The following ZFHX3 variants were observed in gnomAD, a reference collection of about 807,000 sequenced individuals.
ZFHX3 encodes the protein zinc finger homeobox protein 3.
In ZFHX3, 42 loss-of-function variants were observed where a neutral mutation model predicts 279.1. That is an observed-to-expected ratio of 0.15 (90% CI 0.12 to 0.19). The LOEUF (loss-of-function observed/expected upper bound fraction) is 0.19, where lower values mean the gene tolerates loss of function less well. ZFHX3 is among the 10% of genes least tolerant of loss of function. ZFHX3 has a pLI of 1.00. For missense variants in ZFHX3, 4,981 were observed against 4,754.0 expected (o/e 1.05, Z -1.40); for synonymous variants, 2,293 against 1,957.8 (o/e 1.17, Z -4.52).
intron 2 of ZFHX3, among the ~76,000 whole-genome samples, chr16:73,639,500 T>C (rs946981301): frequency 5.9e-5 from 9 of 152,208 alleles, no homozygotes; most frequent in Admixed American, 2.6e-4. Flanking sequence ...GTTTTAATCA[T>C]ACTTTTTCAT....
chr16:73,593,687 C>T (rs1463280513), intron 2 of ZFHX3, among the ~76,000 whole-genome samples: 1 of 152,028 alleles, frequency 6.6e-6, no homozygotes, highest in Non-Finnish European at 1.5e-5. Flanking sequence ...AGACTGTGAG[C>T]ATCTGCAGAT....
At chr16:73,682,852 GAGAA>G (rs568576216) in intron 1 of ZFHX3, among the ~76,000 whole-genome samples, 2,280 of 79,944 alleles carry the variant, frequency 0.029, 111 homozygotes, top group Non-Finnish European at 0.038. Flanking sequence ...AAAAAAGAAA[GAGAA>G]AGAAAGAAAG....
intron 6 of ZFHX3, among the ~76,000 whole-genome samples, chr16:73,131,733 C>T (rs112660544): frequency 6.1e-4 from 93 of 152,256 alleles, no homozygotes; most frequent in African/African-American, 2.1e-3. Context: ...CAGGGAGTTA[C>T]GAAAAGCCAC....
chr16:73,762,102 C>T lies in ZFHX3; in HGVS notation c.-1607-81862G>A, dbSNP rs189229341. ...TATCCATCTGACAAAGGTCTAATAT[C>T]CAGAATCTATAAAGAACTTAAACAA... On this transcript the variant is annotated intron_variant, in intron 1 of 17. Coordinates refer to the ZFHX3 transcript ENST00000641206. 2.6e-3 allele frequency among the ~76,000 whole-genome samples: 400 copies of T among 151,684 alleles called. 2 individuals carry two copies. Among genetic ancestry groups the T allele is most frequent in the African/African-American group, 9.2e-3 (379 of 41,378 alleles).
chr16:73,388,609 A>C (rs908533215), intron 3 of ZFHX3, among the ~76,000 whole-genome samples: 1 of 152,084 alleles, frequency 6.6e-6, no homozygotes, highest in Admixed American at 6.5e-5. Context: ...CAGGCAGGCA[A>C]GTTTCTGCCC....
At chr16:73,753,072 C>G (rs1290150995) in intron 1 of ZFHX3, among the ~76,000 whole-genome samples, 1 of 152,098 alleles carries the variant, frequency 6.6e-6, no homozygotes, top group African/African-American at 2.4e-5. Context: ...TTAAAATGAC[C>G]CCTAAGTGCA....
rs1289332063 is a variant in ZFHX3, at chr16:72,785,116, A to AGAT, written c.*2045_*2047dup. On this transcript the variant is annotated 3_prime_UTR_variant, in exon 10 of 10. Transcript: ENST00000268489. ...GATTTCACACTTTGGGGGCAAGGGG[A>AGAT]GATGGTTTCTGTTGATGTTTAGCTA... The AGAT allele has an allele frequency of 1.3e-5, 2 of 152,682 alleles. No homozygotes were observed. Among genetic ancestry groups the AGAT allele is most frequent in the Admixed American group, 6.5e-5 (1 of 15,302 alleles). The allele number at this position is 152,682 out of a possible 1,614,324, so 9.5% of individuals were successfully genotyped here.
chr16:72,927,178 T>C (rs939762456), intron 3 of ZFHX3, among the ~76,000 whole-genome samples: 1 of 152,266 alleles, frequency 6.6e-6, no homozygotes, highest in African/African-American at 2.4e-5. Context: ...CAGTTTCACT[T>C]GGTCAGACAT....
chr16:72,948,025 C>CA (rs1216705324), intron 3 of ZFHX3, among the ~76,000 whole-genome samples: 1 of 152,208 alleles, frequency 6.6e-6, no homozygotes, highest in African/African-American at 2.4e-5. Flanking sequence ...TCCTTAGTGG[C>CA]AAGAGAAGTT....
At chr16:73,747,835 T>C (rs1029266219) in intron 1 of ZFHX3, among the ~76,000 whole-genome samples, 2 of 152,196 alleles carry the variant, frequency 1.3e-5, no homozygotes, top group African/African-American at 4.8e-5. Flanking sequence ...TCAAGTGTTA[T>C]TAAATGATGT....
chr16:73,535,616 G>T (rs1361304774), intron 2 of ZFHX3, among the ~76,000 whole-genome samples: 8 of 152,140 alleles, frequency 5.3e-5, no homozygotes, highest in African/African-American at 1.7e-4. Context: ...AAGAGAAGCA[G>T]CAATAAGAGA....
At chr16:72,852,408 C>A (rs2037639537) in intron 4 of ZFHX3, among the ~76,000 whole-genome samples, 2 of 152,170 alleles carry the variant, frequency 1.3e-5, no homozygotes, top group South Asian at 2.1e-4. Context: ...CAGAGAGCCT[C>A]CCTTGAGAAA....
intron 3 of ZFHX3, among the ~76,000 whole-genome samples, chr16:73,444,646 A>G (rs1452554544): frequency 6.6e-6 from 1 of 152,342 alleles, no homozygotes; most frequent in East Asian, 1.9e-4. Flanking sequence ...AGGTGAGCAC[A>G]TTTATGTGAG....
At position 73,146,199 on chromosome 16, in the gene ZFHX3, A is replaced by G. The variant is rs2144840236; in HGVS notation, c.-1103-2368T>C. 1.3e-5 allele frequency among the ~76,000 whole-genome samples: 2 copies of G among 152,200 alleles called. 1 individual carries two copies. Among genetic ancestry groups the G allele is most frequent in the South Asian group, 4.2e-4 (2 of 4,812 alleles). On this transcript the variant is annotated intron_variant, in intron 5 of 17. Coordinates refer to the ZFHX3 transcript ENST00000641206. ...AATCCCAGCACTTTGGGAGGCTGAG[A>G]TGGGCGGATCACAAGGTCAAGAGAT...
intron 1 of ZFHX3, among the ~76,000 whole-genome samples, chr16:73,732,123 A>C (rs1056869843): frequency 6.6e-6 from 1 of 152,236 alleles, no homozygotes; most frequent in Non-Finnish European, 1.5e-5. Context: ...AAAAGAGTAC[A>C]GTTTTCTAGA....
intron 1 of ZFHX3, among the ~76,000 whole-genome samples, chr16:73,876,135 A>C (rs1446195459): frequency 6.6e-6 from 1 of 152,232 alleles, no homozygotes; most frequent in Non-Finnish European, 1.5e-5. Context: ...CAATCCCTGC[A>C]TGCGTGATCC....
At chr16:73,794,050 C>T (rs1424225616) in intron 1 of ZFHX3, 1 of 152,144 alleles carries the variant, frequency 6.6e-6, no homozygotes, top group Non-Finnish European at 1.5e-5. Context: ...AGCAACATCA[C>T]ATAAAAATTT....
chr16:73,796,087 A>G (rs2142320287), intron 1 of ZFHX3, among the ~76,000 whole-genome samples: 1 of 152,380 alleles, frequency 6.6e-6, no homozygotes, highest in South Asian at 2.1e-4. Context: ...AATGTGTTAT[A>G]TAATGTCATG....
At chr16:73,847,184 G>A (rs1479538323) in intron 1 of ZFHX3, among the ~76,000 whole-genome samples, 1 of 152,066 alleles carries the variant, frequency 6.6e-6, no homozygotes, top group African/African-American at 2.4e-5. Flanking sequence ...GCCTGCAATC[G>A]CAGCTACTCA....
Sources: allele counts gnomAD v4.1 joint callset (sites outside exome capture counted in the v4.1 genomes callset), GRCh38; gene constraint gnomAD v4.1.1; transcripts MANE v1.5; gene names NCBI Gene and HGNC (gene_info 2026-07-23, HGNC 2026-07-21).